Variants in HPSE2 observed in about 807,000 individuals in gnomAD.
HPSE2 encodes the protein heparanase 2 (inactive), also known as inactive heparanase-2.
In HPSE2, 38 loss-of-function variants were observed where a neutral mutation model predicts 60.5. The ratio of observed to expected loss-of-function variants is 0.63; its 90% confidence interval spans 0.48 to 0.82. The LOEUF (loss-of-function observed/expected upper bound fraction) is 0.82. Among genes scored for constraint, HPSE2 ranks in the 40% least tolerant of loss-of-function variants. HPSE2 has a pLI of 0.00. For synonymous variants in HPSE2, 295 were observed against 293.2 expected (o/e 1.01, Z -0.06); for missense variants, 713 against 740.4 (o/e 0.96, Z 0.43).
chr10:99,128,819 C>G (rs546111691), intron 3 of HPSE2, among the ~76,000 whole-genome samples: 2 of 152,088 alleles, frequency 1.3e-5, no homozygotes, highest in South Asian at 4.1e-4. Flanking sequence ...ATATCCTGCA[C>G]ATGTATCCCA....
intron 4 of HPSE2, among the ~76,000 whole-genome samples, chr10:98,725,867 C>CA (rs1589715922): frequency 6.6e-6 from 1 of 152,120 alleles, no homozygotes; most frequent in African/African-American, 2.4e-5. Flanking sequence ...TTTATGCAGC[C>CA]AAAAAACACA....
intron 3 of HPSE2, among the ~76,000 whole-genome samples, chr10:98,958,817 T>C (rs1955575306): frequency 6.6e-6 from 1 of 152,122 alleles, no homozygotes; most frequent in South Asian, 2.1e-4. Flanking sequence ...GTTTATAGTA[T>C]TTCTACTGGA....
At chr10:98,827,360 C>G (rs1394436959) in intron 3 of HPSE2, among the ~76,000 whole-genome samples, 1 of 151,988 alleles carries the variant, frequency 6.6e-6, no homozygotes, top group Non-Finnish European at 1.5e-5. Context: ...CATGCACCAC[C>G]ACGCCCGGCT....
chr10:98,986,791 T>C (rs1956367936), intron 3 of HPSE2, among the ~76,000 whole-genome samples: 1 of 151,274 alleles, frequency 6.6e-6, no homozygotes, highest in Non-Finnish European at 1.5e-5. Context: ...ATAGACGCAA[T>C]AAAAAATGAT....
intron 3 of HPSE2, among the ~76,000 whole-genome samples, chr10:99,098,148 C>A (rs1035174773): frequency 6.6e-6 from 1 of 152,056 alleles, no homozygotes; most frequent in Admixed American, 6.6e-5. Context: ...AGATTTCAAT[C>A]CATGAATTCA....
chr10:98,753,710 C>A (rs1348039216), intron 3 of HPSE2, among the ~76,000 whole-genome samples: 4 of 152,154 alleles, frequency 2.6e-5, no homozygotes, highest in South Asian at 4.1e-4. Flanking sequence ...TGGTACCAGC[C>A]CCCCAGGGTT....
chr10:99,283,111 A>G, the HPSE2 span, among the ~76,000 whole-genome samples: 1 of 151,876 alleles, frequency 6.6e-6, no homozygotes, highest in South Asian at 2.1e-4. Context: ...GTGTGAACCC[A>G]AAAGGCAGAG....
At chr10:98,679,594 C>G (rs551679253) in intron 6 of HPSE2, among the ~76,000 whole-genome samples, 2 of 152,130 alleles carry the variant, frequency 1.3e-5, no homozygotes, top group African/African-American at 4.8e-5. Context: ...CTGCTATAAC[C>G]AGTATAAGCT....
intron 3 of HPSE2, among the ~76,000 whole-genome samples, chr10:98,876,120 A>G (rs1952870650): frequency 6.6e-6 from 1 of 151,882 alleles, no homozygotes; most frequent in Non-Finnish European, 1.5e-5. Context: ...AGTATGAAGC[A>G]CTAGAAAATA....
At chr10:98,852,113 A>ATATATGTGTGTGTGTGTG (rs779720749) in intron 3 of HPSE2, among the ~76,000 whole-genome samples, 18 of 91,958 alleles carry the variant, frequency 2.0e-4, no homozygotes, top group East Asian at 7.6e-4. Context: ...GTATATTATG[A>ATATATGTGTGTGTGTGTG]TGTGTGTGTG....
chr10:98,769,609 G>A (rs1950198969), intron 3 of HPSE2, among the ~76,000 whole-genome samples: 1 of 152,158 alleles, frequency 6.6e-6, no homozygotes, highest in South Asian at 2.1e-4. Flanking sequence ...GAAGAGCAAT[G>A]ACTATGTAGA....
At chr10:98,955,012 C>A (rs1955469091) in intron 3 of HPSE2, among the ~76,000 whole-genome samples, 1 of 148,236 alleles carries the variant, frequency 6.7e-6, no homozygotes, top group South Asian at 2.1e-4. Flanking sequence ...TTATATATAA[C>A]TCTAAGGCTA....
chr10:98,720,060 T>C (rs1221841096), intron 5 of HPSE2, among the ~76,000 whole-genome samples: 1 of 152,002 alleles, frequency 6.6e-6, no homozygotes, highest in Non-Finnish European at 1.5e-5. Context: ...TATTAGAGTT[T>C]GAGGCTAGCT....
At chr10:98,688,477 C>CTTTTTTTTTTTTTTTTTTTTT (rs1388717965) in intron 6 of HPSE2, among the ~76,000 whole-genome samples, 2 of 83,012 alleles carry the variant, frequency 2.4e-5, no homozygotes, top group African/African-American at 4.4e-5. Context: ...TTTTTTTTTT[C>CTTTTTTTTTTTTTTTTTTTTT]TTTTTTTTTT....
At chr10:98,865,817 A>G (rs1400627886) in intron 3 of HPSE2, among the ~76,000 whole-genome samples, 1 of 152,124 alleles carries the variant, frequency 6.6e-6, no homozygotes, top group Non-Finnish European at 1.5e-5. Context: ...CGGAGTACTC[A>G]GAGAGGTCTT....
chr10:98,688,926 T>G (rs910858825), intron 6 of HPSE2, among the ~76,000 whole-genome samples: 1 of 152,168 alleles, frequency 6.6e-6, no homozygotes, highest in Non-Finnish European at 1.5e-5. Flanking sequence ...AATATTGTTC[T>G]GTTGTATTCT....
At chr10:98,548,592 G>A (rs1405401164) in intron 9 of HPSE2, among the ~76,000 whole-genome samples, 5 of 150,806 alleles carry the variant, frequency 3.3e-5, no homozygotes, top group African/African-American at 9.7e-5. Context: ...ACTCTAGCCT[G>A]GGCAACAGAG....
intron 7 of HPSE2, among the ~76,000 whole-genome samples, chr10:98,625,317 A>G (rs991321496): frequency 6.6e-6 from 1 of 152,262 alleles, no homozygotes; most frequent in Non-Finnish European, 1.5e-5. Context: ...GAGAAGAGCA[A>G]CATGCTTATT....
chr10:98,518,568 C>T (rs139725283), intron 9 of HPSE2, among the ~76,000 whole-genome samples: 2,020 of 151,958 alleles, frequency 0.013, 26 homozygotes, highest in Non-Finnish European at 0.02. Context: ...ATTAGCTGGG[C>T]GTGGTGTGCG....
Sources: gnomAD v4.1 joint callset for allele counts (sites outside exome capture counted in the v4.1 genomes callset) on GRCh38, gnomAD v4.1.1 for gene constraint, MANE v1.5 for transcripts, NCBI Gene and HGNC (gene_info 2026-07-23, HGNC 2026-07-21) for gene names.